The following TRNT1 variants were observed in gnomAD, a reference collection of about 807,000 sequenced individuals.
TRNT1 encodes CCA tRNA nucleotidyltransferase 1, mitochondrial.
Under a neutral mutation model 45.6 loss-of-function variants are expected in TRNT1, and 44 were observed. The ratio of observed to expected loss-of-function variants is 0.97; its 90% confidence interval spans 0.76 to 1.24. The LOEUF is 1.24. Among genes scored for constraint, TRNT1 ranks in the 50% most tolerant of loss-of-function variants. The pLI, the probability that TRNT1 is intolerant of heterozygous loss-of-function variation, is 0.00. For synonymous variants in TRNT1, 201 were observed against 171.4 expected (o/e 1.17, Z -1.35); for missense variants, 633 against 504.4 (o/e 1.25, Z -2.44).
chr3:3,139,536 T>G (rs1338930137), intron 3 of TRNT1, among the ~76,000 whole-genome samples: 1 of 152,224 alleles, frequency 6.6e-6, no homozygotes, highest in Non-Finnish European at 1.5e-5. Flanking sequence ...CTCTTTTACA[T>G]ATATTCCTCT....
chr3:3,151,581 G>A (rs908748465), downstream of TRNT1, among the ~76,000 whole-genome samples: 3 of 152,142 alleles, frequency 2.0e-5, no homozygotes, highest in Admixed American at 6.6e-5. Context: ...GATAAACCAT[G>A]TAATTGCAAC....
In TRNT1 at chr3:3,129,103, C is replaced by G. The variant is rs1307913419; in HGVS notation, c.63C>G (p.Cys21Trp). The G allele has an allele frequency of 6.2e-7, 1 of 1,613,782 alleles. No homozygotes were observed. The highest frequency in any genetic ancestry group is 1.1e-5 in the South Asian group (1 of 91,076). Reference sequence around the variant, plus strand: ...TGAACCGTAGGTGGAGTAGGCTGTGCCTTCCGAAGCAGTATCTATTCACAA... The same window carrying G: ...TGAACCGTAGGTGGAGTAGGCTGTGGCTTCCGAAGCAGTATCTATTCACAA... The part of the protein sequence containing the change: ...PVLNRRWSRL[C>W]LPKQYLFTMK... Residue 21 changes from cysteine (C) to tryptophan (W), a missense_variant, in exon 2 of 8, where the codon TGC (cysteine) becomes TGG (tryptophan). Physicochemically the swap from Cys to Trp is radical, Grantham distance 215. Coordinates refer to ENST00000251607, the MANE Select transcript of TRNT1 (RefSeq NM_182916.3).
At chr3:3,131,103 A>C (rs1486376790) in intron 2 of TRNT1, among the ~76,000 whole-genome samples, 3 of 151,828 alleles carry the variant, frequency 2.0e-5, no homozygotes, top group Admixed American at 6.6e-5. Context: ...TTAATGAGAT[A>C]TTTTATATTC....
At chr3:3,136,696 C>G (rs777302546) in intron 2 of TRNT1, 1 of 419,352 alleles carries the variant, frequency 2.4e-6, no homozygotes, top group South Asian at 1.7e-5. Flanking sequence ...GCTCTGTCAC[C>G]CAGGCTGGAG....
intron 1 of TRNT1, chr3:3,127,288 G>A (rs1367161984): frequency 6.6e-6 from 1 of 152,328 alleles, no homozygotes; most frequent in Admixed American, 6.5e-5. Context: ...CCGGCGTGGG[G>A]GGTGAGACGC....
At position 3,148,361 on chromosome 3, in the gene TRNT1, A is replaced by G. The variant is rs1402816953; in HGVS notation, c.*207A>G. ...GATCTGATTTATATCACTGAAATGT[A>G]CAGTTCTTTTGGAATAGTTTCACCT... On this transcript the variant is annotated 3_prime_UTR_variant, in exon 8 of 8. Coordinates refer to ENST00000251607, the MANE Select transcript of TRNT1 (RefSeq NM_182916.3). 5.9e-6 allele frequency: 3 copies of G among 504,632 alleles called. No individual in the cohort carries two copies. Among genetic ancestry groups the G allele is most frequent in the Non-Finnish European group, 1.0e-5 (3 of 290,124 alleles). The allele number at this position is 504,632 out of a possible 1,614,324, so 31.3% of individuals were successfully genotyped here. A position where few individuals can be genotyped will look rare whatever the true frequency, so the allele number is the denominator to read the frequency against.
Position 3,129,026 on chromosome 3 carries a change from T to C in TRNT1, c.-15T>C. 6.3e-7 allele frequency: 1 copy of C among 1,589,382 alleles called. No homozygotes were observed. The highest frequency in any genetic ancestry group is 8.6e-7 in the Non-Finnish European group (1 of 1,165,274). ...ATTTGCCTTGTAGATGTGTAGTTGG[T>C]GACTGCCTCTCCAGATGCTGAGGTG... On this transcript the variant is annotated 5_prime_UTR_variant, in exon 2 of 8. An upstream open reading frame in the 5' UTR loses its in-frame stop. Coordinates refer to ENST00000251607, the MANE Select transcript of TRNT1 (RefSeq NM_182916.3).
At chr3:3,133,009 A>G (rs1460839814) in intron 2 of TRNT1, among the ~76,000 whole-genome samples, 1 of 152,188 alleles carries the variant, frequency 6.6e-6, no homozygotes, top group Non-Finnish European at 1.5e-5. Flanking sequence ...AATGTTCTGT[A>G]TAAAATCAAA....
rs757904312 is a variant in TRNT1, at chr3:3,148,002, C to G, written c.1153C>G (p.Pro385Ala). The G allele has an allele frequency of 3.7e-6, 6 of 1,613,870 alleles. No homozygotes were observed. The highest frequency in any genetic ancestry group is 3.3e-4 in the Middle Eastern group (2 of 6,082). ...GGAAATGCAGCAGTGGTCCATTCCT[C>G]CATTTCCTGTAAGTGGCCATGACAT... is the stretch of plus-strand genomic sequence containing the variant. ...LKEMQQWSIP[P>A]FPVSGHDIRK... Residue 385 changes from proline to alanine, a missense_variant, in exon 8 of 8, where the codon CCA (proline) becomes GCA (alanine). Coordinates refer to ENST00000251607, the MANE Select transcript of TRNT1 (RefSeq NM_182916.3).
downstream of TRNT1, chr3:3,152,449 A>T (rs943397070): frequency 8.7e-6 from 14 of 1,613,630 alleles, no homozygotes; most frequent in Middle Eastern, 1.6e-4. Flanking sequence ...CACCACCATA[A>T]TATTACCCAG....
chr3:3,151,118 G>A, downstream of TRNT1: 2 of 1,518,184 alleles, frequency 1.3e-6, no homozygotes, highest in Non-Finnish European at 1.8e-6. Flanking sequence ...AACCTATCAT[G>A]AAGACAGACT....
intron 1 of TRNT1, among the ~76,000 whole-genome samples, chr3:3,128,476 G>A (rs1049910766): frequency 2.0e-5 from 3 of 151,722 alleles, no homozygotes; most frequent in Non-Finnish European, 4.4e-5. Flanking sequence ...GTGTGCGCCT[G>A]TAATCCCTGC....
In TRNT1 at chr3:3,148,339, C is replaced by A; in HGVS notation, c.*185C>A. The A allele has an allele frequency of 1.7e-6, 1 of 582,960 alleles. No individual in the cohort carries two copies. Among genetic ancestry groups the A allele is most frequent in the Non-Finnish European group, 2.9e-6 (1 of 341,710 alleles). The allele number at this position is 582,960 out of a possible 1,614,324, so 36.1% of individuals were successfully genotyped here. The stretch of plus-strand genomic sequence containing the variant: ...TAAACAGAGATCCACCTTTCTGGAT[C>A]TGATTTATATCACTGAAATGTACAG... On this transcript the variant is annotated 3_prime_UTR_variant, in exon 8 of 8. Coordinates refer to ENST00000251607, the MANE Select transcript of TRNT1 (RefSeq NM_182916.3).
intron 2 of TRNT1, among the ~76,000 whole-genome samples, chr3:3,131,010 A>AG (rs886755270): frequency 1.3e-4 from 19 of 151,358 alleles, no homozygotes; most frequent in African/African-American, 2.4e-4. Context: ...GAAGCCTGGG[A>AG]GGGGGGCTTG....
downstream of TRNT1, chr3:3,150,919 C>A (rs369965416): frequency 1.9e-6 from 3 of 1,613,908 alleles, no homozygotes; most frequent in Non-Finnish European, 1.7e-6. Flanking sequence ...TGTCTGGGAT[C>A]GTGGGCAACA....
chr3:3,130,016 G>T, intron 2 of TRNT1: 2 of 1,444,838 alleles, frequency 1.4e-6, no homozygotes, highest in Non-Finnish European at 1.8e-6. Context: ...ATAGGAAATG[G>T]CTTTAGCTAA....
intron 4 of TRNT1, among the ~76,000 whole-genome samples, chr3:3,140,914 C>G (rs1705608182): frequency 6.6e-6 from 1 of 152,182 alleles, no homozygotes. Flanking sequence ...AACCCCATCT[C>G]TACTAAAAAT....
intron 6 of TRNT1, among the ~76,000 whole-genome samples, chr3:3,146,946 A>G (rs1706071580): frequency 6.6e-6 from 1 of 152,202 alleles, no homozygotes; most frequent in South Asian, 2.1e-4. Context: ...TCTAATAGGA[A>G]AGCTAAAAGG....
At chr3:3,152,513 T>A (rs762731331), downstream of TRNT1, 8 of 1,613,900 alleles carry the variant, frequency 5.0e-6, no homozygotes, top group Non-Finnish European at 5.9e-6. Flanking sequence ...GTTGCAAGCC[T>A]TATACACAGT....
Sources: gnomAD v4.1 joint callset for allele counts (sites outside exome capture counted in the v4.1 genomes callset) on GRCh38, gnomAD v4.1.1 for gene constraint, MANE v1.5 for transcripts, NCBI Gene and HGNC (gene_info 2026-07-23, HGNC 2026-07-21) for gene names.